Variants in HECTD2 observed in about 807,000 individuals in gnomAD.
The protein encoded by HECTD2 is HECT domain E3 ubiquitin protein ligase 2.
HECTD2 carries 35 observed loss-of-function variants against 103.2 expected under a neutral mutation model. The observed-to-expected ratio is 0.34, with a 90% CI of 0.26 to 0.45. HECTD2 has a LOEUF of 0.45. HECTD2 is among the 20% of genes least tolerant of loss of function. The pLI is 1.00. For synonymous variants in HECTD2, 281 were observed against 329.9 expected, an observed-to-expected ratio of 0.85 and a Z score of 1.61; for missense variants, 596 against 937.4, an observed-to-expected ratio of 0.64 and a Z score of 4.76.
chr10:91,476,768 G>T (rs914303890), intron 5 of HECTD2, among the ~76,000 whole-genome samples: 9 of 152,210 alleles, frequency 5.9e-5, no homozygotes, highest in Non-Finnish European at 1.3e-4. Flanking sequence ...CCGTCTTCTT[G>T]AAGTTCTGTG....
chr10:91,463,071 G>C (rs1421019476), intron 5 of HECTD2: 3 of 150,556 alleles, frequency 2.0e-5, no homozygotes, highest in East Asian at 3.9e-4. Flanking sequence ...AACAATGCGA[G>C]GGTTAGGGGC....
At chr10:91,498,239 C>T (rs768745417) in intron 16 of HECTD2, 57 bp downstream of exon 16, 29 of 1,170,316 alleles carry the variant, frequency 2.5e-5, no homozygotes, top group Non-Finnish European at 3.4e-5. Context: ...ATGAACAGTG[C>T]AATTTGTTAT....
intron 1 of HECTD2, among the ~76,000 whole-genome samples, chr10:91,414,323 A>G (rs77395094): frequency 0.02 from 3,059 of 152,282 alleles, 103 homozygotes; most frequent in African/African-American, 0.07. Context: ...GGGTGAGCAT[A>G]AGGTGTGTCG....
Position 91,462,199 on chromosome 10 carries a change from A to T in HECTD2, c.600+15A>T. On this transcript the variant is annotated intron_variant, in intron 5 of 20. Coordinates refer to ENST00000298068, the MANE Select transcript of HECTD2 (RefSeq NM_182765.6). ...TACTTAATACTGTAAGTATTATGAC[A>T]TGCAAGTAATATTATTCTGTGTCTC... The T allele has an allele frequency of 6.4e-7, 1 of 1,569,060 alleles. No homozygotes were observed. The highest frequency in any genetic ancestry group is 8.7e-7 in the Non-Finnish European group (1 of 1,152,222).
intron 5 of HECTD2, among the ~76,000 whole-genome samples, chr10:91,468,807 A>G (rs1845620166): frequency 6.6e-6 from 1 of 152,034 alleles, no homozygotes; most frequent in African/African-American, 2.4e-5. Flanking sequence ...GTAGTGGTGC[A>G]TGCTTATAGT....
intron 14 of HECTD2, among the ~76,000 whole-genome samples, chr10:91,494,050 C>T (rs914597893): frequency 2.0e-5 from 3 of 151,940 alleles, no homozygotes; most frequent in African/African-American, 7.2e-5. Flanking sequence ...TGATTCCTAT[C>T]AGGTATATTG....
At chr10:91,421,393 A>G (rs1457833329) in intron 1 of HECTD2, among the ~76,000 whole-genome samples, 4 of 152,066 alleles carry the variant, frequency 2.6e-5, no homozygotes, top group African/African-American at 2.4e-5. Flanking sequence ...TTCTGTCCTT[A>G]TATTATCAGT....
At chr10:91,484,211 T>C (rs1413235986) in intron 8 of HECTD2, 2 of 622,818 alleles carry the variant, frequency 3.2e-6, no homozygotes, top group Non-Finnish European at 5.4e-6. Flanking sequence ...AATTAAATTT[T>C]ACCAAGTAGG....
Position 91,430,802 on chromosome 10 carries a change from C to T in HECTD2, c.268+5392C>T, listed in dbSNP as rs139759784. ...GCATGTGCGATGGGTTTCCTGAATACAGTACACTGATGGGTCTTGACTCTT... is the reference window on the plus strand; with the variant it reads ...GCATGTGCGATGGGTTTCCTGAATATAGTACACTGATGGGTCTTGACTCTT... On this transcript the variant is annotated intron_variant, in intron 2 of 20. Transcript: ENST00000298068. 6.8e-4 allele frequency among the ~76,000 whole-genome samples: 103 copies of T among 152,114 alleles called. 1 individual carries two copies. In the East Asian group the frequency reaches 0.018, roughly 27 times the overall value.
chr10:91,444,134 C>T (rs765086930), intron 2 of HECTD2, among the ~76,000 whole-genome samples: 1 of 152,046 alleles, frequency 6.6e-6, no homozygotes, highest in Non-Finnish European at 1.5e-5. Context: ...GCTTACTTAC[C>T]CTTTCTTATC....
At chr10:91,410,310 T>TGGC (rs1403260669), upstream of HECTD2, 81 of 355,432 alleles carry the variant, frequency 2.3e-4, no homozygotes, top group Non-Finnish European at 3.2e-4. Flanking sequence ...GGGGGCGGAG[T>TGGC]GGCGGCGGCA....
At chr10:91,424,273 C>T (rs1843471734) in intron 1 of HECTD2, among the ~76,000 whole-genome samples, 1 of 152,096 alleles carries the variant, frequency 6.6e-6, no homozygotes, top group Non-Finnish European at 1.5e-5. Context: ...GATGGCTCTA[C>T]CTAACTGCAA....
intron 2 of HECTD2, among the ~76,000 whole-genome samples, chr10:91,459,925 G>A (rs1320313021): frequency 6.6e-6 from 1 of 152,104 alleles, no homozygotes; most frequent in East Asian, 1.9e-4. Context: ...GGTGTGTAGT[G>A]TGTAGTAGGC....
chr10:91,487,740 C>A lies in HECTD2; in HGVS notation c.1153C>A (p.Gln385Lys). Residue 385 changes from glutamine (Q) to lysine (K), a missense_variant, in exon 11 of 21, where the codon CAG (glutamine) becomes AAG (lysine). Gln to Lys is a moderately conservative substitution (Grantham distance 53). Coordinates refer to ENST00000298068, the MANE Select transcript of HECTD2 (RefSeq NM_182765.6). The surrounding 1 kb of genome is among the most constrained non-coding windows in gnomAD (Gnocchi z 4.1). ...TGTAGCTGCAAAAAAAATCATTATTCAGAGAGACTCAGAGCAACAGATGAT... is the reference window on the plus strand; with the variant it reads ...TGTAGCTGCAAAAAAAATCATTATTAAGAGAGACTCAGAGCAACAGATGAT... Reference protein sequence around the residue: ...ISVAAKKIIIQRDSEQQMINI... With the variant: ...ISVAAKKIIIKRDSEQQMINI... The A allele has an allele frequency of 6.2e-7, 1 of 1,610,976 alleles. No individual in the cohort carries two copies. Among genetic ancestry groups the A allele is most frequent in the Non-Finnish European group, 8.5e-7 (1 of 1,177,700 alleles).
chr10:91,476,056 G>C (rs1471453433), intron 5 of HECTD2, among the ~76,000 whole-genome samples: 7 of 152,224 alleles, frequency 4.6e-5, no homozygotes, highest in African/African-American at 1.7e-4. Context: ...TGAGGGCATA[G>C]AGCAAAGTGG....
intron 1 of HECTD2, among the ~76,000 whole-genome samples, chr10:91,424,357 A>G (rs944531544): frequency 7.2e-5 from 11 of 152,256 alleles, no homozygotes; most frequent in South Asian, 2.1e-4. Context: ...GTAAATGGCA[A>G]TCAGTCTGGT....
chr10:91,456,514 A>T (rs925743653), intron 2 of HECTD2, among the ~76,000 whole-genome samples: 10 of 152,188 alleles, frequency 6.6e-5, no homozygotes, highest in Non-Finnish European at 1.0e-4. Flanking sequence ...CAATCATGTC[A>T]TCTGCAAACA....
chr10:91,501,333 T>A lies in HECTD2; in HGVS notation c.2209T>A (p.Cys737Ser), dbSNP rs1589548322. The A allele has an allele frequency of 2.5e-6, 4 of 1,577,864 alleles. No homozygotes were observed. Among genetic ancestry groups the A allele is most frequent in the Admixed American group, 3.7e-5 (2 of 53,398 alleles). Residue 737 changes from cysteine to serine, a missense_variant and splice_region_variant, in exon 20 of 21, where the codon TGC becomes AGC. By Grantham distance (112) the Cys-to-Ser change is moderately radical. Coordinates refer to ENST00000298068, the MANE Select transcript of HECTD2 (RefSeq NM_182765.6). Reference protein sequence around the residue: ...KISKNETSTNCLPVAHTCFNQ... With the variant: ...KISKNETSTNSLPVAHTCFNQ... ...CTCAAAGAATGAAACTTCTACTAAC[T>A]GGTAAATTTCTGGATCTAATTTTAT...
intron 12 of HECTD2, among the ~76,000 whole-genome samples, chr10:91,491,833 G>GATTTATTT (rs574734527): frequency 2.0e-5 from 3 of 152,044 alleles, no homozygotes; most frequent in Admixed American, 6.6e-5. Flanking sequence ...TCCGCTATGT[G>GATTTATTT]ATTTATTTAT....
Sources: allele counts gnomAD v4.1 joint callset (sites outside exome capture counted in the v4.1 genomes callset), GRCh38; gene constraint gnomAD v4.1.1; non-coding constraint Gnocchi (gnomAD v3.1); transcripts MANE v1.5; gene names NCBI Gene and HGNC (gene_info 2026-07-23, HGNC 2026-07-21).